Variants in MTHFS observed in about 807,000 individuals in gnomAD.
MTHFS encodes the protein 5-formyltetrahydrofolate cyclo-ligase.
Under a neutral mutation model 12.7 loss-of-function variants are expected in MTHFS, and 7 were observed. The observed-to-expected ratio is 0.55, with a 90% CI of 0.31 to 1.03. MTHFS has a LOEUF of 1.03. Among genes scored for constraint, MTHFS ranks in the 50% least tolerant of loss-of-function variants. The pLI, the probability that MTHFS is intolerant of heterozygous loss-of-function variation, is 0.05. For missense variants in MTHFS, 252 were observed against 258.1 expected, an observed-to-expected ratio of 0.98 and a Z score of 0.16; for synonymous variants, 100 against 97.1, an observed-to-expected ratio of 1.03 and a Z score of -0.18.
At chr15:79,882,110 A>G (rs1418298277) in intron 2 of MTHFS, among the ~76,000 whole-genome samples, 2 of 152,266 alleles carry the variant, frequency 1.3e-5, no homozygotes, top group African/African-American at 4.8e-5. Context: ...AAGTTCAAAT[A>G]CAATTAGTGA....
intron 2 of MTHFS, among the ~76,000 whole-genome samples, chr15:79,849,735 T>C (rs749617956): frequency 9.9e-5 from 15 of 152,278 alleles, no homozygotes; most frequent in Non-Finnish European, 1.9e-4. Context: ...TGTGTGCACT[T>C]GCTTCACATT....
chr15:79,880,451 A>G (rs1010248956), intron 2 of MTHFS, among the ~76,000 whole-genome samples: 2 of 151,988 alleles, frequency 1.3e-5, no homozygotes, highest in African/African-American at 4.8e-5. Context: ...TAAAAGATAA[A>G]CATTGATGGA....
chr15:79,856,034 A>G (rs1214441235), intron 2 of MTHFS, among the ~76,000 whole-genome samples: 1 of 152,176 alleles, frequency 6.6e-6, no homozygotes, highest in Non-Finnish European at 1.5e-5. Context: ...TATAGACTCA[A>G]TACTGGGATT....
chr15:79,859,861 A>G (rs2033880579), intron 2 of MTHFS, among the ~76,000 whole-genome samples: 1 of 151,732 alleles, frequency 6.6e-6, no homozygotes, highest in South Asian at 2.1e-4. Context: ...CTCCCTGTAT[A>G]CATAGGGATT....
intron 1 of MTHFS, among the ~76,000 whole-genome samples, chr15:79,891,963 C>CAAAAAAAAAAAAAAAAAAAAAAAGAAAAA (rs57309663): frequency 1.2e-5 from 1 of 84,290 alleles, no homozygotes; most frequent in Non-Finnish European, 2.1e-5. Flanking sequence ...AACTCCATCT[C>CAAAAAAAAAAAAAAAAAAAAAAAGAAAAA]AAAAAAAAAA....
intron 1 of MTHFS, among the ~76,000 whole-genome samples, chr15:79,896,112 T>G (rs190073229): frequency 6.6e-6 from 1 of 152,362 alleles, no homozygotes; most frequent in Non-Finnish European, 1.5e-5. Flanking sequence ...AACAGAGGTC[T>G]GCTAACCAAC....
intron 1 of MTHFS, among the ~76,000 whole-genome samples, chr15:79,895,395 T>G (rs1172486741): frequency 6.6e-6 from 1 of 152,262 alleles, no homozygotes; most frequent in African/African-American, 2.4e-5. Flanking sequence ...TTTACCTTTA[T>G]CATATATCTG....
intron 2 of MTHFS, among the ~76,000 whole-genome samples, chr15:79,859,723 CAGA>C (rs1298446624): frequency 1.4e-5 from 2 of 145,008 alleles, no homozygotes; most frequent in Admixed American, 7.3e-5. Flanking sequence ...GAGATTGAGG[CAGA>C]AGAATTGCTT....
chr15:79,856,893 T>C (rs1413974859), intron 2 of MTHFS, among the ~76,000 whole-genome samples: 2 of 152,128 alleles, frequency 1.3e-5, no homozygotes, highest in Non-Finnish European at 2.9e-5. Flanking sequence ...TCTAGCTTAC[T>C]CTTAAAAGCA....
intron 1 of MTHFS, 178 bp downstream of exon 1, chr15:79,896,694 G>A (rs973278610): frequency 7.7e-6 from 9 of 1,161,526 alleles, no homozygotes; most frequent in Non-Finnish European, 1.0e-5. Flanking sequence ...AGTGCCAAGA[G>A]CGTCCAGACC....
intron 2 of MTHFS, among the ~76,000 whole-genome samples, chr15:79,859,838 A>C (rs961744149): frequency 6.7e-6 from 1 of 148,720 alleles, no homozygotes; most frequent in South Asian, 2.1e-4. Context: ...AAAAAAAAAA[A>C]CCCTTATTTT....
chr15:79,867,397 T>C (rs531584009), intron 2 of MTHFS, among the ~76,000 whole-genome samples: 3 of 151,882 alleles, frequency 2.0e-5, no homozygotes, highest in African/African-American at 7.2e-5. Context: ...GGGGGGGACA[T>C]TGAAGTTTTC....
intron 2 of MTHFS, among the ~76,000 whole-genome samples, chr15:79,868,781 G>A (rs1018776404): frequency 6.6e-6 from 1 of 152,138 alleles, no homozygotes; most frequent in Admixed American, 6.6e-5. Context: ...TACCTTTCCT[G>A]GGTCTCTAGC....
rs2034583446 is a variant in MTHFS at position 79,896,784 on chromosome 15, C to G, written c.117+88G>C. 11 of 1,505,290 alleles carry G rather than the reference C, an allele frequency of 7.3e-6. 1 individual carries two copies. Among genetic ancestry groups the G allele is most frequent in the Non-Finnish European group, 9.7e-6 (11 of 1,130,056 alleles). 93.2% of individuals were successfully genotyped at this position (1,505,290 alleles called of 1,614,324 possible). On this transcript the variant is annotated intron_variant, in intron 1 of 2. Coordinates refer to ENST00000258874, the MANE Select transcript of MTHFS (RefSeq NM_006441.4). ...GGGGGGGCGCCTAGCCCAGCGCCAG[C>G]ACGGACCATGCACAGATCAGCAATC...
intron 2 of MTHFS, among the ~76,000 whole-genome samples, chr15:79,868,661 T>C (rs927494528): frequency 2.3e-4 from 35 of 152,356 alleles, no homozygotes; most frequent in African/African-American, 8.4e-4. Context: ...CCTTCTTTCT[T>C]GCCTAACTGC....
intron 2 of MTHFS, among the ~76,000 whole-genome samples, chr15:79,867,664 A>G (rs557740511): frequency 1.3e-5 from 2 of 152,210 alleles, no homozygotes; most frequent in Admixed American, 6.5e-5. Flanking sequence ...ACAATGCCTT[A>G]GTCACCAGTA....
intron 1 of MTHFS, among the ~76,000 whole-genome samples, chr15:79,890,434 G>A (rs916461952): frequency 6.6e-6 from 1 of 151,856 alleles, no homozygotes; most frequent in Admixed American, 6.6e-5. Flanking sequence ...TCACCATGTT[G>A]CTCAGGCTGG....
chr15:79,847,695 TAAAC>T (rs1199723111), intron 2 of MTHFS, among the ~76,000 whole-genome samples: 3 of 144,044 alleles, frequency 2.1e-5, no homozygotes, highest in Non-Finnish European at 3.0e-5. Context: ...AAAAAAGACT[TAAAC>T]AGACATTTGT....
chr15:79,896,325 C>A (rs1426092289), intron 1 of MTHFS, among the ~76,000 whole-genome samples: 2 of 152,258 alleles, frequency 1.3e-5, no homozygotes, highest in Non-Finnish European at 2.9e-5. Flanking sequence ...GAAGTCCAGT[C>A]AACCTCTGAG....
Sources: gnomAD v4.1 joint callset for allele counts (sites outside exome capture counted in the v4.1 genomes callset) on GRCh38, gnomAD v4.1.1 for gene constraint, MANE v1.5 for transcripts, NCBI Gene and HGNC (gene_info 2026-07-23, HGNC 2026-07-21) for gene names.